Variants in GRIN2D observed in about 807,000 individuals in gnomAD.
GRIN2D encodes the protein glutamate receptor ionotropic, NMDA 2D.
Under a neutral mutation model 103.2 loss-of-function variants are expected in GRIN2D, and 37 were observed. That is an observed-to-expected ratio of 0.36 (90% CI 0.28 to 0.47). The LOEUF (loss-of-function observed/expected upper bound fraction) is 0.47. Among genes scored for constraint, GRIN2D ranks in the 20% least tolerant of loss-of-function variants. GRIN2D has a pLI of 1.00. For synonymous variants in GRIN2D, 845 were observed against 885.6 expected (o/e 0.95, Z 0.81); for missense variants, 1,557 against 1,910.6 (o/e 0.81, Z 3.45).
At chr19:48,432,773 CT>C (rs567358434) in intron 11 of GRIN2D, among the ~76,000 whole-genome samples, 1,751 of 136,182 alleles carry the variant, frequency 0.013, 9 homozygotes, top group African/African-American at 0.02. Context: ...ACTGGACTTT[CT>C]TTTTTTTTTT....
intron 4 of GRIN2D, 60 bp from the exon 5 acceptor site, chr19:48,413,931 C>T (rs2147450468): frequency 2.1e-6 from 2 of 946,082 alleles, no homozygotes; most frequent in East Asian, 4.8e-5. Flanking sequence ...CTTTCTCTGC[C>T]TTCCGCTGCC....
rs1052899447 is a variant in GRIN2D at position 48,394,177 on chromosome 19, C to G, written c.-306+309C>G. Among the ~76,000 whole-genome samples the G allele has an allele frequency of 1.3e-5, 2 of 151,854 alleles. No individual in the cohort carries two copies. The highest frequency in any genetic ancestry group is 2.1e-4 in the South Asian group (1 of 4,810). ...GCAGCCTGGCCCCCATTAGACCCCC[C>G]ACTCTGTGTGTGTGTGTCTGTGTGT... On this transcript the variant is annotated intron_variant, in intron 1 of 13. Coordinates refer to ENST00000263269, the MANE Select transcript of GRIN2D (RefSeq NM_000836.4). The surrounding 1 kb of genome is among the most constrained non-coding windows in gnomAD (Gnocchi z 5.1).
In GRIN2D at chr19:48,398,399, G is replaced by A. The variant is rs908012919; in HGVS notation, c.7G>A (p.Gly3Ser). The A allele has an allele frequency of 1.6e-5, 18 of 1,120,324 alleles. No homozygotes were observed. The African/African-American group carries it at 2.6e-4, about 16-fold the overall frequency. The allele number at this position is 1,120,324 out of a possible 1,614,324, so 69.4% of individuals were successfully genotyped here. A position where few individuals can be genotyped will look rare whatever the true frequency, so the allele number is the denominator to read the frequency against. The change falls in exon 3 of 14, where the codon GGC becomes AGC. Residue 3 changes from glycine to serine, a missense_variant. This residue lies in a region of GRIN2D where 490 missense variants were observed against 601.1 expected (regional missense o/e 0.82). Coordinates refer to ENST00000263269, the MANE Select transcript of GRIN2D (RefSeq NM_000836.4). ...CCGGCGGGGCCCGCAGGCGATGCGC[G>A]GCGCCGGTGGCCCCCGCGGCCCTCG... is the stretch of plus-strand genomic sequence containing the variant. MR[G>S]AGGPRGPRGP...
At chr19:48,436,161 C>T (rs1011268201) in intron 11 of GRIN2D, among the ~76,000 whole-genome samples, 1 of 152,060 alleles carries the variant, frequency 6.6e-6, no homozygotes, top group African/African-American at 2.4e-5. Context: ...TGTGGGAGAC[C>T]GGAGTTTTAT....
rs978871599 is a variant in GRIN2D, at chr19:48,414,707, A to T, written c.1412+123A>T. On this transcript the variant is annotated intron_variant, in intron 6 of 13. Coordinates refer to ENST00000263269, the MANE Select transcript of GRIN2D (RefSeq NM_000836.4). This position sits in a 1 kb window ranked among gnomAD's most constrained non-coding sequence, Gnocchi z 4.6. The stretch of plus-strand genomic sequence containing the variant: ...ACCCACAAAGCCCTCCAGCTTGGTG[A>T]CCTTAGGCAAACCTCAGAATTCTTT... 6 of 1,247,528 alleles carry T rather than the reference A, an allele frequency of 4.8e-6. No individual in the cohort carries two copies. In the African/African-American group the frequency reaches 7.5e-5, roughly 16 times the overall value. 77.3% of individuals were successfully genotyped at this position (1,247,528 alleles called of 1,614,324 possible).
rs749254834 is a variant in GRIN2D, at chr19:48,421,781, C to T, written c.2092-4C>T. The T allele has an allele frequency of 6.2e-7, 1 of 1,612,758 alleles. No individual in the cohort carries two copies. The highest frequency in any genetic ancestry group is 1.3e-5 in the African/African-American group (1 of 74,804). ...TGCCCTAATCACTCCCCATTCTGCCCCAGTTCCAGAGGCCCCAGGAGCAGT... is the reference window on the plus strand; with the variant it reads ...TGCCCTAATCACTCCCCATTCTGCCTCAGTTCCAGAGGCCCCAGGAGCAGT... On this transcript the variant is annotated splice_region_variant and splice_polypyrimidine_tract_variant and intron_variant, in intron 10 of 13. Coordinates refer to ENST00000263269, the MANE Select transcript of GRIN2D (RefSeq NM_000836.4). The surrounding 1 kb of genome is among the most constrained non-coding windows in gnomAD (Gnocchi z 4.8).
At chr19:48,409,274 C>CTTTTTTT (rs67673123) in intron 4 of GRIN2D, among the ~76,000 whole-genome samples, 2 of 103,724 alleles carry the variant, frequency 1.9e-5, no homozygotes, top group Non-Finnish European at 3.7e-5. Flanking sequence ...AATTAAATTT[C>CTTTTTTT]TTTTTTTTTT....
Position 48,411,142 on chromosome 19 carries a change from C to T in GRIN2D, c.1086-2849C>T, listed in dbSNP as rs982051095. 6.6e-5 allele frequency among the ~76,000 whole-genome samples: 10 copies of T among 151,726 alleles called. No homozygotes were observed. In the South Asian group the frequency reaches 1.0e-3, roughly 16 times the overall value. ...TAGATCATCTGAGCTTGGGACATGG[C>T]GAAACCTCGTCTCCACCAAAAATAC... On this transcript the variant is annotated intron_variant, in intron 4 of 13. Coordinates refer to ENST00000263269, the MANE Select transcript of GRIN2D (RefSeq NM_000836.4).
In GRIN2D at chr19:48,419,718, C is replaced by T. The variant is rs750962839; in HGVS notation, c.1995C>T (p.Phe665=). The part of the protein sequence containing the change: ...SKIMVLVWAF[F]AVIFLASYTA... Reference sequence around the variant, plus strand: ...TCATGGTGCTGGTGTGGGCCTTCTTCGCCGTCATCTTCCTCGCCAGCTACA... The same window carrying T: ...TCATGGTGCTGGTGTGGGCCTTCTTTGCCGTCATCTTCCTCGCCAGCTACA... The change falls in exon 10 of 14, where the codon TTC becomes TTT. Residue 665 remains phenylalanine, a synonymous_variant. Coordinates refer to ENST00000263269, the MANE Select transcript of GRIN2D (RefSeq NM_000836.4). The T allele has an allele frequency of 6.2e-7, 1 of 1,613,662 alleles. No individual in the cohort carries two copies. The highest frequency in any genetic ancestry group is 1.1e-5 in the South Asian group (1 of 91,038).
chr19:48,396,196 G>T (rs1246853391), intron 2 of GRIN2D, among the ~76,000 whole-genome samples: 1 of 151,948 alleles, frequency 6.6e-6, no homozygotes, highest in Non-Finnish European at 1.5e-5. Context: ...GCGGGGGGTT[G>T]TCCAGAGGCT....
chr19:48,403,775 G>A (rs1970747038), intron 3 of GRIN2D, among the ~76,000 whole-genome samples: 1 of 152,162 alleles, frequency 6.6e-6, no homozygotes, highest in Non-Finnish European at 1.5e-5. Context: ...TTGCATGCTG[G>A]GAGATGTAGT....
chr19:48,412,425 GAA>G (rs1002224728), intron 4 of GRIN2D, among the ~76,000 whole-genome samples: 2 of 48,164 alleles, frequency 4.2e-5, no homozygotes, highest in African/African-American at 2.2e-4. Context: ...AGAAAGAAAA[GAA>G]AGAAAGAAAG....
rs1412376846 is a variant in GRIN2D, at chr19:48,394,638, G to A, written c.-305-20G>A. Among the ~76,000 whole-genome samples, 1 of 152,164 alleles carries A rather than the reference G, an allele frequency of 6.6e-6. No individual in the cohort carries two copies. Among genetic ancestry groups the A allele is most frequent in the African/African-American group, 2.4e-5 (1 of 41,446 alleles). The stretch of plus-strand genomic sequence containing the variant: ...AGGACACCCCGACAGCCTCTGCAAT[G>A]TCCGGGGCCCAACTTCCAGAGCAAC... On this transcript the variant is annotated intron_variant, in intron 1 of 13. Coordinates refer to ENST00000263269, the MANE Select transcript of GRIN2D (RefSeq NM_000836.4). This position sits in a 1 kb window ranked among gnomAD's most constrained non-coding sequence, Gnocchi z 5.1.
chr19:48,436,417 G>A (rs1047440693), intron 11 of GRIN2D, among the ~76,000 whole-genome samples: 2 of 152,138 alleles, frequency 1.3e-5, no homozygotes, highest in Non-Finnish European at 2.9e-5. Flanking sequence ...AATATCTCAA[G>A]CACTCATCTT....
intron 4 of GRIN2D, among the ~76,000 whole-genome samples, chr19:48,412,820 C>T (rs1240891803): frequency 1.4e-5 from 2 of 141,224 alleles, no homozygotes; most frequent in Non-Finnish European, 3.1e-5. Context: ...AACAAAAAAC[C>T]ACACATTAAA....
Position 48,393,775 on chromosome 19 carries a change from G to GCAGCCTCCCT in GRIN2D, c.-397_-388dup, listed in dbSNP as rs1235434493. ...CCGCCACCCTCGCCCGCAGCCTCCC[G>GCAGCCTCCCT]CAGCCTCCCTCGGCCACCGGTGCCT... is the stretch of plus-strand genomic sequence containing the variant. On this transcript the variant is annotated 5_prime_UTR_variant, in exon 1 of 14. Transcript: ENST00000263269. The surrounding 1 kb of genome is among the most constrained non-coding windows in gnomAD (Gnocchi z 5.6). Among the ~76,000 whole-genome samples, 1 of 152,120 alleles carries GCAGCCTCCCT rather than the reference G, an allele frequency of 6.6e-6. No homozygotes were observed. The highest frequency in any genetic ancestry group is 1.5e-5 in the Non-Finnish European group (1 of 68,012).
intron 11 of GRIN2D, among the ~76,000 whole-genome samples, chr19:48,424,417 C>T (rs1971063388): frequency 6.6e-6 from 1 of 150,834 alleles, no homozygotes; most frequent in Non-Finnish European, 1.5e-5. Context: ...ACTACAGGCG[C>T]CCACCACCAC....
intron 11 of GRIN2D, among the ~76,000 whole-genome samples, chr19:48,428,826 C>A (rs957585208): frequency 6.6e-6 from 1 of 152,134 alleles, no homozygotes; most frequent in African/African-American, 2.4e-5. Flanking sequence ...TGAGGGAACA[C>A]AACTAAACCC....
chr19:48,437,742 C>G (rs188078414), intron 11 of GRIN2D, among the ~76,000 whole-genome samples: 131 of 152,290 alleles, frequency 8.6e-4, no homozygotes, highest in Non-Finnish European at 1.5e-3. Context: ...ATCAATAGCA[C>G]TTCACCTTTC....
Sources: allele counts gnomAD v4.1 joint callset (sites outside exome capture counted in the v4.1 genomes callset), GRCh38; gene constraint gnomAD v4.1.1; regional missense constraint gnomAD v4.1.1; non-coding constraint Gnocchi (gnomAD v3.1); transcripts MANE v1.5; gene names NCBI Gene and HGNC (gene_info 2026-07-23, HGNC 2026-07-21).